Variants in NXPE2 observed in about 807,000 individuals in gnomAD.
The protein encoded by NXPE2 is neurexophilin and PC-esterase domain family member 2, also known as NXPE family member 2.
In NXPE2, 34 loss-of-function variants were observed where a neutral mutation model predicts 34.4. The ratio of observed to expected loss-of-function variants is 0.99; its 90% CI spans 0.75 to 1.31. NXPE2 has a LOEUF of 1.31. Ranked by LOEUF, NXPE2 falls within the 40% of genes most tolerant of loss-of-function variation. NXPE2 has a pLI of 0.00. For synonymous variants in NXPE2, 235 were observed against 231.3 expected (o/e 1.02, Z -0.15); for missense variants, 649 against 672.5 (o/e 0.97, Z 0.39).
chr11:114,803,519 G>A, the NXPE2 span, among the ~76,000 whole-genome samples: 22 of 151,922 alleles, frequency 1.4e-4, no homozygotes, highest in Non-Finnish European at 2.8e-4. Context: ...CATAGATGGT[G>A]CCTTATAGCT....
chr11:114,772,359 C>A, the NXPE2 span, among the ~76,000 whole-genome samples: 1 of 152,058 alleles, frequency 6.6e-6, no homozygotes, highest in East Asian at 1.9e-4. Context: ...AGGAAACTAT[C>A]CCCTATTCTT....
the NXPE2 span, among the ~76,000 whole-genome samples, chr11:114,783,335 C>T: frequency 6.6e-6 from 1 of 152,196 alleles, no homozygotes; most frequent in Admixed American, 6.5e-5. Flanking sequence ...ACTGTTCCCA[C>T]CTGAGGGGCC....
At chr11:114,514,085 A>G in the NXPE2 span, among the ~76,000 whole-genome samples, 1 of 152,060 alleles carries the variant, frequency 6.6e-6, no homozygotes, top group Non-Finnish European at 1.5e-5. Flanking sequence ...TATATAACAT[A>G]TGTTTTCTTT....
chr11:114,641,094 T>C, the NXPE2 span, among the ~76,000 whole-genome samples: 5 of 152,110 alleles, frequency 3.3e-5, no homozygotes, highest in African/African-American at 1.2e-4. Context: ...AAAAGTATAA[T>C]AACTGAAGTA....
At chr11:114,553,455 T>C in the NXPE2 span, among the ~76,000 whole-genome samples, 3 of 152,174 alleles carry the variant, frequency 2.0e-5, no homozygotes, top group Non-Finnish European at 2.9e-5. Flanking sequence ...TTGGTTAGAG[T>C]TGGCTCCTTT....
chr11:114,599,150 C>T, the NXPE2 span, among the ~76,000 whole-genome samples: 2 of 152,224 alleles, frequency 1.3e-5, no homozygotes, highest in African/African-American at 4.8e-5. Context: ...ATTTCTTCCC[C>T]CAGATACCTT....
the NXPE2 span, among the ~76,000 whole-genome samples, chr11:114,615,970 A>T: frequency 6.6e-6 from 1 of 151,440 alleles, no homozygotes; most frequent in South Asian, 2.1e-4. Context: ...TTGGATAATA[A>T]GTATTCTCTC....
chr11:114,488,233 G>A, the NXPE2 span, among the ~76,000 whole-genome samples: 5 of 152,082 alleles, frequency 3.3e-5, no homozygotes, highest in Non-Finnish European at 7.4e-5. Context: ...ATATTGGGAG[G>A]TTTTACGTGC....
the NXPE2 span, among the ~76,000 whole-genome samples, chr11:114,476,332 T>A: frequency 1.3e-5 from 2 of 152,252 alleles, no homozygotes; most frequent in South Asian, 4.1e-4. Context: ...CATGTACAAA[T>A]TAGCTCTTCA....
the NXPE2 span, among the ~76,000 whole-genome samples, chr11:114,546,452 A>G: frequency 7.0e-6 from 1 of 143,618 alleles, no homozygotes; most frequent in Non-Finnish European, 1.5e-5. Context: ...TATCATACAT[A>G]TATATATTTT....
the NXPE2 span, among the ~76,000 whole-genome samples, chr11:114,625,619 G>A: frequency 0.085 from 12,946 of 152,150 alleles, 660 homozygotes; most frequent in Middle Eastern, 0.2. Flanking sequence ...ATATTGCCTC[G>A]TGGGTAACTG....
the NXPE2 span, among the ~76,000 whole-genome samples, chr11:114,712,640 A>G: frequency 6.6e-6 from 1 of 152,234 alleles, no homozygotes; most frequent in African/African-American, 2.4e-5. Context: ...GGATGTGAAG[A>G]AGTTGGAACC....
the NXPE2 span, among the ~76,000 whole-genome samples, chr11:114,489,018 A>G: frequency 6.6e-6 from 1 of 152,236 alleles, no homozygotes; most frequent in Non-Finnish European, 1.5e-5. Context: ...AAAAAATGAC[A>G]AAGGGGATAT....
the NXPE2 span, among the ~76,000 whole-genome samples, chr11:114,601,935 AT>A: frequency 3.0e-4 from 25 of 81,980 alleles, no homozygotes; most frequent in Non-Finnish European, 4.2e-4. Flanking sequence ...ATATTTATAT[AT>A]ATTATATAAT....
chr11:114,670,886 T>C, the NXPE2 span, among the ~76,000 whole-genome samples: 3 of 151,534 alleles, frequency 2.0e-5, no homozygotes, highest in Non-Finnish European at 4.4e-5. Context: ...AAACCGCCTC[T>C]GAGAGGGCCA....
At chr11:114,586,712 C>G in the NXPE2 span, among the ~76,000 whole-genome samples, 1 of 152,150 alleles carries the variant, frequency 6.6e-6, no homozygotes, top group African/African-American at 2.4e-5. Flanking sequence ...GGACTAATTC[C>G]AGCCTCCAAC....
the NXPE2 span, among the ~76,000 whole-genome samples, chr11:114,750,073 C>A: frequency 6.6e-6 from 1 of 152,178 alleles, no homozygotes; most frequent in Non-Finnish European, 1.5e-5. Context: ...GACAGGTGCT[C>A]TCTTAACTCA....
chr11:114,613,686 C>T, the NXPE2 span, among the ~76,000 whole-genome samples: 3 of 151,868 alleles, frequency 2.0e-5, no homozygotes, highest in Admixed American at 1.3e-4. Context: ...ATAAGTGTTG[C>T]CTCGTGGGGA....
the NXPE2 span, among the ~76,000 whole-genome samples, chr11:114,611,127 C>T: frequency 6.7e-6 from 1 of 148,184 alleles, no homozygotes; most frequent in East Asian, 2.1e-4. Context: ...GTTAGTATTG[C>T]CTCATGGGTC....
Sources: allele counts gnomAD v4.1 joint callset (sites outside exome capture counted in the v4.1 genomes callset), GRCh38; gene constraint gnomAD v4.1.1; transcripts MANE v1.5; gene names NCBI Gene and HGNC (gene_info 2026-07-23, HGNC 2026-07-21).